FAM193A: variants seen among roughly 807,000 people sequenced by gnomAD.
The protein encoded by FAM193A is family with sequence similarity 193 member A.
Under a neutral mutation model 126.5 loss-of-function variants are expected in FAM193A, and 22 were observed. The ratio of observed to expected loss-of-function variants is 0.17; its 90% confidence interval spans 0.12 to 0.25. The LOEUF is 0.25. Among genes scored for constraint, FAM193A ranks in the 10% least tolerant of loss-of-function variants. The pLI, the probability that FAM193A is intolerant of heterozygous loss-of-function variation, is 1.00. For missense variants in FAM193A, 1,675 were observed against 1,672.8 expected, an observed-to-expected ratio of 1.00 and a Z score of -0.02; for synonymous variants, 761 against 646.8, an observed-to-expected ratio of 1.18 and a Z score of -2.68.
intron 4 of FAM193A, among the ~76,000 whole-genome samples, chr4:2,629,282 G>C (rs17824073): frequency 2.0e-5 from 3 of 151,512 alleles, no homozygotes; most frequent in African/African-American, 7.3e-5. Flanking sequence ...TGTCCAGTCT[G>C]CTTCTAAGTT....
intron 2 of FAM193A, among the ~76,000 whole-genome samples, chr4:2,624,363 T>G (rs949876860): frequency 1.1e-4 from 16 of 152,144 alleles, no homozygotes; most frequent in Non-Finnish European, 4.4e-5. Flanking sequence ...AGGCTGGTCT[T>G]GAACTCCTGA....
chr4:2,726,994 C>T (rs1720830300), intron 20 of FAM193A, among the ~76,000 whole-genome samples: 1 of 150,112 alleles, frequency 6.7e-6, no homozygotes, highest in Non-Finnish European at 1.5e-5. Flanking sequence ...GGCGCAGTGG[C>T]TCCTGCCTGT....
chr4:2,542,011 T>A (rs1402053203), intron 1 of FAM193A, among the ~76,000 whole-genome samples: 1 of 151,116 alleles, frequency 6.6e-6, no homozygotes, highest in Non-Finnish European at 1.5e-5. Context: ...CCACCACACC[T>A]GGCAAATTTT....
At chr4:2,652,431 A>G (rs1745760163) in intron 7 of FAM193A, among the ~76,000 whole-genome samples, 1 of 152,184 alleles carries the variant, frequency 6.6e-6, no homozygotes, top group African/African-American at 2.4e-5. Flanking sequence ...ATAATTTATA[A>G]AGAAAAGCAG....
At chr4:2,702,843 A>G (rs1717891729) in intron 19 of FAM193A, among the ~76,000 whole-genome samples, 1 of 152,164 alleles carries the variant, frequency 6.6e-6, no homozygotes, top group Non-Finnish European at 1.5e-5. Context: ...TGGTGATTAC[A>G]CTGAATTTAC....
chr4:2,582,044 C>G (rs1289131101), intron 1 of FAM193A, among the ~76,000 whole-genome samples: 1 of 152,068 alleles, frequency 6.6e-6, no homozygotes, highest in South Asian at 2.1e-4. Context: ...AGAAATTACT[C>G]TCTTCTGGTT....
Position 2,691,376 on chromosome 4 carries a change from C to T in FAM193A, c.2803+406C>T, listed in dbSNP as rs185237771. Among the ~76,000 whole-genome samples the T allele has an allele frequency of 9.1e-4, 139 of 152,294 alleles. 1 individual carries two copies. The highest frequency in any genetic ancestry group is 8.9e-3 in the Admixed American group (136 of 15,298). On this transcript the variant is annotated intron_variant, in intron 15 of 20. Transcript: ENST00000637812. ...GACTATAGGTGCCCACCACCACGCA[C>T]GGCTAATTTCTGTATTTTTTGGTAG...
rs765832833 is a variant in FAM193A, at chr4:2,693,646, G to A, written c.2864G>A (p.Arg955Lys). ...AGACACTCGGCCCCAGCCGCCCCGA[G>A]GAATAGCCCCACGGGCTTGGCCCCC... The part of the protein sequence containing the change: ...DHRHSAPAAP[R>K]NSPTGLAPLP... Residue 955 changes from arginine to lysine, a missense_variant, in exon 16 of 21, where the codon AGG (arginine) becomes AAG (lysine). Physicochemically the swap from Arg to Lys is conservative, Grantham distance 26. Transcript: ENST00000637812. The A allele has an allele frequency of 1.3e-5, 21 of 1,614,208 alleles. No homozygotes were observed. Among genetic ancestry groups the A allele is most frequent in the Non-Finnish European group, 1.7e-5 (20 of 1,180,036 alleles).
At chr4:2,564,845 G>A (rs1003947596) in intron 1 of FAM193A, among the ~76,000 whole-genome samples, 1 of 151,954 alleles carries the variant, frequency 6.6e-6, no homozygotes, top group African/African-American at 2.4e-5. Context: ...CACTCTTGTC[G>A]CCCAGGTTGG....
intron 13 of FAM193A, among the ~76,000 whole-genome samples, chr4:2,680,194 C>T (rs1426119110): frequency 2.0e-5 from 3 of 152,156 alleles, no homozygotes; most frequent in Admixed American, 6.5e-5. Flanking sequence ...GTTCAATCTC[C>T]TTACTAGTTA....
chr4:2,707,771 G>A (rs2109338890), intron 19 of FAM193A, among the ~76,000 whole-genome samples: 1 of 146,302 alleles, frequency 6.8e-6, no homozygotes, highest in East Asian at 2.0e-4. Context: ...GGAGTGCAGT[G>A]GCGCAATCTC....
intron 19 of FAM193A, among the ~76,000 whole-genome samples, chr4:2,709,301 T>C (rs1028442395): frequency 1.3e-5 from 2 of 152,212 alleles, no homozygotes; most frequent in Admixed American, 1.3e-4. Context: ...TTTACATTAT[T>C]TAATATATTT....
At chr4:2,548,826 G>T (rs1737728245) in intron 1 of FAM193A, among the ~76,000 whole-genome samples, 1 of 151,836 alleles carries the variant, frequency 6.6e-6, no homozygotes, top group Non-Finnish European at 1.5e-5. Context: ...TTCTTTTGTG[G>T]ATCATGGTTT....
chr4:2,631,287 T>G, intron 5 of FAM193A, 118 bp downstream of exon 5: 10 of 844,118 alleles, frequency 1.2e-5, no homozygotes, highest in Non-Finnish European at 1.8e-5. Context: ...CACACTGTGA[T>G]AGGCCCCTCT....
chr4:2,600,993 G>C (rs1282674188), intron 2 of FAM193A, among the ~76,000 whole-genome samples: 1 of 152,212 alleles, frequency 6.6e-6, no homozygotes. Flanking sequence ...CGTGGCACAT[G>C]CCTGTAGTTG....
intron 19 of FAM193A, among the ~76,000 whole-genome samples, chr4:2,701,105 C>T (rs1717682372): frequency 6.6e-6 from 1 of 152,048 alleles, no homozygotes; most frequent in African/African-American, 2.4e-5. Flanking sequence ...AGGAGAGTCA[C>T]TTCATACATG....
chr4:2,642,159 C>T (rs1744699732), intron 6 of FAM193A, among the ~76,000 whole-genome samples: 1 of 145,932 alleles, frequency 6.9e-6, no homozygotes, highest in Non-Finnish European at 1.5e-5. Context: ...AAAAAATTAG[C>T]TGGGCATGGT....
chr4:2,542,781 G>C (rs557299428), intron 1 of FAM193A, among the ~76,000 whole-genome samples: 1 of 152,304 alleles, frequency 6.6e-6, no homozygotes, highest in Non-Finnish European at 1.5e-5. Context: ...TAAGAGAGAA[G>C]GCCGAGTGGA....
chr4:2,618,455 T>C (rs1054541235), intron 2 of FAM193A, among the ~76,000 whole-genome samples: 1 of 152,062 alleles, frequency 6.6e-6, no homozygotes, highest in African/African-American at 2.4e-5. Flanking sequence ...TTAGAGACAG[T>C]CTTGCCCTGT....
Sources: allele counts gnomAD v4.1 joint callset (sites outside exome capture counted in the v4.1 genomes callset), GRCh38; gene constraint gnomAD v4.1.1; transcripts MANE v1.5; gene names NCBI Gene and HGNC (gene_info 2026-07-23, HGNC 2026-07-21).